The following CACNG2 variants were observed in gnomAD, a reference collection of about 807,000 sequenced individuals.
The protein encoded by CACNG2 is calcium voltage-gated channel auxiliary subunit gamma 2, also known as voltage-dependent calcium channel gamma-2 subunit.
Under a neutral mutation model 25.9 loss-of-function variants are expected in CACNG2, and 3 were observed. The observed-to-expected ratio is 0.12, with a 90% confidence interval of 0.05 to 0.30. The LOEUF is 0.30. Ranked by LOEUF, CACNG2 falls within the 10% of genes least tolerant of loss-of-function variation. The pLI, the probability that CACNG2 is intolerant of heterozygous loss-of-function variation, is 1.00. For missense variants in CACNG2, 341 were observed against 432.5 expected (o/e 0.79, Z 1.88); for synonymous variants, 167 against 173.3 (o/e 0.96, Z 0.29).
At chr22:36,582,826 T>C (rs957484036) in intron 2 of CACNG2, among the ~76,000 whole-genome samples, 6 of 151,898 alleles carry the variant, frequency 4.0e-5, no homozygotes, top group Non-Finnish European at 8.8e-5. Context: ...CCTGTTAGTT[T>C]CATTTTTTGC....
chr22:36,636,188 C>T (rs2052018958), intron 1 of CACNG2, among the ~76,000 whole-genome samples: 1 of 152,188 alleles, frequency 6.6e-6, no homozygotes, highest in South Asian at 2.1e-4. Flanking sequence ...TTGCCTCTCT[C>T]TCCATCTTCA....
chr22:36,627,531 G>A (rs1424420825), intron 1 of CACNG2, among the ~76,000 whole-genome samples: 1 of 152,100 alleles, frequency 6.6e-6, no homozygotes. Context: ...ACCCACAGCT[G>A]GACTTTGAAT....
intron 1 of CACNG2, among the ~76,000 whole-genome samples, chr22:36,588,272 G>A (rs1477649118): frequency 2.6e-5 from 4 of 152,174 alleles, no homozygotes; most frequent in South Asian, 2.1e-4. Flanking sequence ...AGGAAATGAC[G>A]GAATCAGGGC....
At chr22:36,601,542 G>A (rs955982809) in intron 1 of CACNG2, among the ~76,000 whole-genome samples, 1 of 151,920 alleles carries the variant, frequency 6.6e-6, no homozygotes, top group African/African-American at 2.4e-5. Context: ...TGCCTAGGCT[G>A]GAGTGCAATG....
intron 2 of CACNG2, among the ~76,000 whole-genome samples, chr22:36,568,649 C>A (rs1156890295): frequency 6.6e-6 from 1 of 152,116 alleles, no homozygotes; most frequent in African/African-American, 2.4e-5. Context: ...AAGTGATCTG[C>A]CCGCCTCGGC....
At chr22:36,604,494 G>A (rs945254839) in intron 1 of CACNG2, among the ~76,000 whole-genome samples, 3 of 152,192 alleles carry the variant, frequency 2.0e-5, no homozygotes, top group Non-Finnish European at 4.4e-5. Context: ...TTGCTATACA[G>A]AAATCTTTTG....
intron 2 of CACNG2, among the ~76,000 whole-genome samples, chr22:36,578,391 TACACTTCTA>T (rs1018290301): frequency 2.5e-4 from 37 of 149,228 alleles, no homozygotes; most frequent in African/African-American, 8.6e-4. Flanking sequence ...GATGGATCAT[TACACTTCTA>T]AAACTCTAGG....
At chr22:36,568,710 GC>G (rs1935172397) in intron 2 of CACNG2, among the ~76,000 whole-genome samples, 1 of 152,144 alleles carries the variant, frequency 6.6e-6, no homozygotes, top group Admixed American at 6.5e-5. Flanking sequence ...TAGGCAGTTT[GC>G]TGAGATGTGT....
chr22:36,565,019 A>G, intron 3 of CACNG2, 133 bp from the exon 4 acceptor site: 1 of 769,748 alleles, frequency 1.3e-6, no homozygotes, highest in South Asian at 1.5e-5. Flanking sequence ...CTTCATGAAC[A>G]GGTGGGGCGG....
intron 1 of CACNG2, among the ~76,000 whole-genome samples, chr22:36,640,709 C>T (rs879415554): frequency 5.3e-5 from 8 of 152,216 alleles, no homozygotes; most frequent in East Asian, 1.9e-4. Flanking sequence ...TTTGTTTCCG[C>T]GCTTGTTCCT....
intron 1 of CACNG2, among the ~76,000 whole-genome samples, chr22:36,626,185 G>T (rs760795342): frequency 6.6e-6 from 1 of 152,204 alleles, no homozygotes; most frequent in Admixed American, 6.5e-5. Flanking sequence ...CTCCCAAAGT[G>T]CTGGGATTAC....
rs1935833885 is a variant in CACNG2, at chr22:36,606,417, C to A, written c.212-18869G>T. 6.6e-6 allele frequency among the ~76,000 whole-genome samples: 1 copy of A among 152,148 alleles called. No individual in the cohort carries two copies. Among genetic ancestry groups the A allele is most frequent in the South Asian group, 2.1e-4 (1 of 4,822 alleles). On this transcript the variant is annotated intron_variant, in intron 1 of 3. Coordinates refer to ENST00000300105, the MANE Select transcript of CACNG2 (RefSeq NM_006078.5). The surrounding 1 kb of genome is among the most constrained non-coding windows in gnomAD (Gnocchi z 5.7). The stretch of plus-strand genomic sequence containing the variant: ...GGAGGGACAGAGGGGTGAAGGAACG[C>A]CTCTAAAGATTCATTGCTCGTGTAA...
chr22:36,565,428 A>G (rs1214917514), intron 3 of CACNG2, among the ~76,000 whole-genome samples: 1 of 151,972 alleles, frequency 6.6e-6, no homozygotes, highest in African/African-American at 2.4e-5. Flanking sequence ...CTTTAGGGCC[A>G]CGGAGAGGGT....
chr22:36,639,427 T>G (rs56975761), intron 1 of CACNG2, among the ~76,000 whole-genome samples: 3,473 of 152,214 alleles, frequency 0.023, 135 homozygotes, highest in African/African-American at 0.081. Context: ...TAGAGGGAAG[T>G]GTGAGAGCAA....
At chr22:36,568,007 G>A (rs140856550) in intron 2 of CACNG2, among the ~76,000 whole-genome samples, 5 of 151,766 alleles carry the variant, frequency 3.3e-5, no homozygotes, top group African/African-American at 1.2e-4. Context: ...GTACCACCAT[G>A]CTTGGCTAAT....
At chr22:36,601,060 T>C (rs1210474951) in intron 1 of CACNG2, among the ~76,000 whole-genome samples, 1 of 152,190 alleles carries the variant, frequency 6.6e-6, no homozygotes, top group Non-Finnish European at 1.5e-5. Context: ...TTAACAATAG[T>C]CCCCATGTTG....
rs115479540 is a variant in CACNG2 at position 36,695,252 on chromosome 22, A to G, written c.211+7114T>C. On this transcript the variant is annotated intron_variant, in intron 1 of 3. Transcript: ENST00000300105. ...AAGAAAGAAAGGAAGGAAAAAAAGG[A>G]AACAGCTGCTCTAATCCTTACAACA... 6.6e-3 allele frequency among the ~76,000 whole-genome samples: 999 copies of G among 152,196 alleles called. 14 individuals carry two copies. Among genetic ancestry groups the G allele is most frequent in the African/African-American group, 0.023 (947 of 41,516 alleles).
At chr22:36,663,230 A>T (rs1936825629) in intron 1 of CACNG2, among the ~76,000 whole-genome samples, 1 of 152,082 alleles carries the variant, frequency 6.6e-6, no homozygotes, top group Non-Finnish European at 1.5e-5. Flanking sequence ...CACGGATTTG[A>T]CCAGTAGCTG....
chr22:36,616,067 T>C (rs779795677), intron 1 of CACNG2, among the ~76,000 whole-genome samples: 5 of 152,220 alleles, frequency 3.3e-5, no homozygotes, highest in Admixed American at 6.5e-5. Context: ...CAGAAACTTA[T>C]GTCATCTGAC....
Sources: gnomAD v4.1 joint callset for allele counts (sites outside exome capture counted in the v4.1 genomes callset) on GRCh38, gnomAD v4.1.1 for gene constraint, Gnocchi (gnomAD v3.1) non-coding constraint, MANE v1.5 for transcripts, NCBI Gene and HGNC (gene_info 2026-07-23, HGNC 2026-07-21) for gene names.